CLIC5: variants seen among roughly 807,000 people sequenced by gnomAD.
CLIC5 encodes the protein chloride intracellular channel protein 5.
Under a neutral mutation model 24.7 loss-of-function variants are expected in CLIC5, and 20 were observed. The observed-to-expected ratio is 0.81, with a 90% CI of 0.57 to 1.18. The LOEUF (loss-of-function observed/expected upper bound fraction) is 1.18. CLIC5 is among the 50% of genes most tolerant of loss of function. CLIC5 has a pLI of 0.00. For missense variants in CLIC5, 341 were observed against 326.1 expected (o/e 1.05, Z -0.35); for synonymous variants, 159 against 135.6 (o/e 1.17, Z -1.20).
intron 1 of CLIC5, among the ~76,000 whole-genome samples, chr6:46,031,939 TACACAC>T (rs35929799): frequency 8.9e-5 from 13 of 146,302 alleles, no homozygotes; most frequent in Non-Finnish European, 1.2e-4. Context: ...TATATATATA[TACACAC>T]ACACACACAC....
At chr6:46,017,383 A>G (rs936747327), upstream of CLIC5, among the ~76,000 whole-genome samples, 1 of 152,186 alleles carries the variant, frequency 6.6e-6, no homozygotes, top group African/African-American at 2.4e-5. Flanking sequence ...ACATGTGTGA[A>G]CTTGTATAAT....
In CLIC5 at chr6:46,025,568, T is replaced by G. The variant is rs183867049; in HGVS notation, c.540+54135A>C. On this transcript the variant is annotated intron_variant, in intron 1 of 5. Coordinates refer to the CLIC5 transcript ENST00000185206. ...TGACTTTATTACTAATGTGTTTAAG[T>G]GAATAGTAAACCAAAGAAATAAAAA... Among the ~76,000 whole-genome samples, 446 of 152,232 alleles carry G rather than the reference T, an allele frequency of 2.9e-3. 1 individual carries two copies. Among genetic ancestry groups the G allele is most frequent in the Admixed American group, 8.6e-3 (131 of 15,294 alleles).
chr6:46,075,555 A>G (rs1762743266), intron 1 of CLIC5, among the ~76,000 whole-genome samples: 3 of 152,200 alleles, frequency 2.0e-5, no homozygotes, highest in Non-Finnish European at 4.4e-5. Context: ...ATTGCCCTCC[A>G]GCTTGGGCAA....
At chr6:46,092,543 C>T in the CLIC5 span, among the ~76,000 whole-genome samples, 1 of 152,146 alleles carries the variant, frequency 6.6e-6, no homozygotes, top group African/African-American at 2.4e-5. Flanking sequence ...TTGGCTCCTA[C>T]CATTCATAAC....
At chr6:45,939,912 A>G (rs1764072842) in intron 4 of CLIC5, among the ~76,000 whole-genome samples, 1 of 152,098 alleles carries the variant, frequency 6.6e-6, no homozygotes, top group Admixed American at 6.5e-5. Context: ...ATAGGGTTCA[A>G]GCAGCAATGA....
At position 45,943,000 on chromosome 6, in the gene CLIC5, A is replaced by G. The variant is rs535107493; in HGVS notation, c.300-1347T>C. On this transcript the variant is annotated intron_variant, in intron 3 of 5. Transcript: ENST00000339561. ...CCCCCTCCACTGCTTCTCTGGAAACAGTGAAAGGTAATTTGCATTGAGCAC... is the reference window on the plus strand; with the variant it reads ...CCCCCTCCACTGCTTCTCTGGAAACGGTGAAAGGTAATTTGCATTGAGCAC... Among the ~76,000 whole-genome samples, 4 of 152,382 alleles carry G rather than the reference A, an allele frequency of 2.6e-5. No individual in the cohort carries two copies. In the South Asian group the frequency reaches 6.2e-4, roughly 24 times the overall value.
rs567131204 is a variant in CLIC5, at chr6:46,079,745, C to T, written c.498G>A (p.Lys166=). The T allele has an allele frequency of 8.4e-5, 130 of 1,551,822 alleles. No individual in the cohort carries two copies. The highest frequency in any genetic ancestry group is 1.1e-4 in the Non-Finnish European group (125 of 1,146,992). ...TCTCAGGGTTCATGTGAGCTCCCTCCTTTTCTTCCAAACCTTCAGCATCAG... is the reference window on the plus strand; with the variant it reads ...TCTCAGGGTTCATGTGAGCTCCCTCTTTTTCTTCCAAACCTTCAGCATCAG... Residue 166 remains lysine, a synonymous_variant, in exon 1 of 6, where the codon AAG becomes AAA. Coordinates refer to the CLIC5 transcript ENST00000185206.
chr6:45,929,322 G>T (rs1286608801), intron 4 of CLIC5, among the ~76,000 whole-genome samples: 1 of 152,278 alleles, frequency 6.6e-6, no homozygotes, highest in Admixed American at 6.5e-5. Context: ...GGAAGCATTT[G>T]CCCACTCCTC....
chr6:46,075,784 CCT>C (rs1227154448), intron 1 of CLIC5, among the ~76,000 whole-genome samples: 2 of 152,140 alleles, frequency 1.3e-5, no homozygotes, highest in African/African-American at 4.8e-5. Flanking sequence ...CCACCCATCC[CCT>C]CTCTTTAACA....
intron 1 of CLIC5, among the ~76,000 whole-genome samples, chr6:45,979,896 G>C (rs1255526355): frequency 6.7e-6 from 1 of 148,652 alleles, no homozygotes; most frequent in African/African-American, 2.5e-5. Flanking sequence ...AGTTTAACCA[G>C]GTTCCATTTA....
chr6:45,952,876 T>C (rs1764518348), intron 2 of CLIC5, among the ~76,000 whole-genome samples: 1 of 152,182 alleles, frequency 6.6e-6, no homozygotes, highest in East Asian at 1.9e-4. Context: ...GAAGCTGCTT[T>C]TTCATAAGTC....
chr6:46,046,947 A>G (rs16874161), intron 1 of CLIC5, among the ~76,000 whole-genome samples: 11,724 of 152,272 alleles, frequency 0.077, 548 homozygotes, highest in Middle Eastern at 0.12. Context: ...TAACGCAAGG[A>G]TGATTTATTG....
At chr6:45,954,319 G>A (rs893768569) in intron 2 of CLIC5, among the ~76,000 whole-genome samples, 3 of 151,202 alleles carry the variant, frequency 2.0e-5, no homozygotes, top group African/African-American at 7.3e-5. Context: ...AAGAAAAAAG[G>A]AGTTCAAGAA....
intron 1 of CLIC5, among the ~76,000 whole-genome samples, chr6:45,997,082 T>C (rs2127429261): frequency 6.6e-6 from 1 of 151,912 alleles, no homozygotes; most frequent in Middle Eastern, 3.4e-3. Context: ...TTATTCACAA[T>C]AGCAAAGACT....
chr6:45,941,794 T>C (rs777100050), intron 3 of CLIC5, 141 bp from the exon 4 acceptor site: 50 of 706,082 alleles, frequency 7.1e-5, no homozygotes, highest in Non-Finnish European at 1.2e-4. Flanking sequence ...CCTCATACTA[T>C]AGGGAGGGTG....
chr6:46,059,114 A>T (rs1768344415), intron 1 of CLIC5, among the ~76,000 whole-genome samples: 1 of 152,194 alleles, frequency 6.6e-6, no homozygotes, highest in Non-Finnish European at 1.5e-5. Context: ...GAGCTTCTCA[A>T]ATCTGTAATA....
intron 4 of CLIC5, among the ~76,000 whole-genome samples, chr6:45,926,817 G>A (rs973395316): frequency 6.6e-6 from 1 of 152,220 alleles, no homozygotes; most frequent in African/African-American, 2.4e-5. Flanking sequence ...CTAGTGAGGA[G>A]AGCTGCTCAG....
the CLIC5 span, among the ~76,000 whole-genome samples, chr6:46,086,267 G>C: frequency 2.6e-5 from 4 of 152,220 alleles, no homozygotes; most frequent in African/African-American, 4.8e-5. Flanking sequence ...TGTGCCCACT[G>C]TCTGGCACTC....
chr6:46,015,641 C>T lies in CLIC5; in HGVS notation c.-99G>A. On this transcript the variant is annotated 5_prime_UTR_variant, in exon 1 of 6. Coordinates refer to ENST00000339561, the MANE Select transcript of CLIC5 (RefSeq NM_016929.5). The stretch of plus-strand genomic sequence containing the variant: ...GCTCCTGCCGCTGCCCAGCGGGGCT[C>T]CTCTTCAGGGCGGTGTTTAATTTTT... The T allele has an allele frequency of 7.3e-7, 1 of 1,375,564 alleles. No individual in the cohort carries two copies. The highest frequency in any genetic ancestry group is 9.5e-7 in the Non-Finnish European group (1 of 1,054,650). The allele number at this position is 1,375,564 out of a possible 1,614,324, so 85.2% of individuals were successfully genotyped here.
Sources: gnomAD v4.1 joint callset for allele counts (sites outside exome capture counted in the v4.1 genomes callset) on GRCh38, gnomAD v4.1.1 for gene constraint, MANE v1.5 for transcripts, NCBI Gene and HGNC (gene_info 2026-07-23, HGNC 2026-07-21) for gene names.